Variants in KIF5C observed in about 807,000 individuals in gnomAD.
The protein encoded by KIF5C is kinesin family member 5C, also known as kinesin heavy chain isoform 5C.
A neutral mutation model predicts 125.2 loss-of-function variants in KIF5C; 18 were observed. That is an observed-to-expected ratio of 0.14 (90% CI 0.10 to 0.21). KIF5C has a LOEUF of 0.21. Ranked by LOEUF, KIF5C falls within the 10% of genes least tolerant of loss-of-function variation. The probability of loss-of-function intolerance (pLI) is 1.00; values close to 1 mark genes in which losing one functional copy is unlikely to be tolerated. For synonymous variants in KIF5C, 405 were observed against 434.0 expected (o/e 0.93, Z 0.83); for missense variants, 780 against 1,183.8 (o/e 0.66, Z 5.01).
At chr2:148,940,756 G>T (rs1424794658) in intron 4 of KIF5C, among the ~76,000 whole-genome samples, 1 of 152,192 alleles carries the variant, frequency 6.6e-6, no homozygotes, top group African/African-American at 2.4e-5. Flanking sequence ...GGGGATTTTT[G>T]ACATCGTAAA....
At chr2:148,894,422 G>C (rs1189143812) in intron 1 of KIF5C, among the ~76,000 whole-genome samples, 2 of 152,164 alleles carry the variant, frequency 1.3e-5, no homozygotes, top group Non-Finnish European at 2.9e-5. Flanking sequence ...TAAGGTCCAA[G>C]AAGTTCTAAA....
At chr2:148,948,697 C>G (rs114987381) in intron 8 of KIF5C, among the ~76,000 whole-genome samples, 6 of 152,268 alleles carry the variant, frequency 3.9e-5, no homozygotes, top group African/African-American at 1.4e-4. Context: ...TGGTGTTCTT[C>G]CCTTAGGCTG....
chr2:148,877,769 TCTC>T (rs1681234176), intron 1 of KIF5C: 1 of 149,834 alleles, frequency 6.7e-6, no homozygotes, highest in Admixed American at 6.7e-5. Flanking sequence ...CCCTCTCCCT[TCTC>T]CTCCTCTTCT....
chr2:149,013,732 G>A (rs1475207750), intron 25 of KIF5C, among the ~76,000 whole-genome samples: 1 of 152,136 alleles, frequency 6.6e-6, no homozygotes, highest in Non-Finnish European at 1.5e-5. Flanking sequence ...ATTGTGCAGT[G>A]GGACAGTCAC....
chr2:148,972,260 T>G (rs1240548711), intron 11 of KIF5C, among the ~76,000 whole-genome samples: 1 of 152,232 alleles, frequency 6.6e-6, no homozygotes. Context: ...ACTCTCTGAC[T>G]CAAGGCAGTT....
rs1352115135 is a variant in KIF5C at position 149,000,439 on chromosome 2, C to G, written c.2227C>G (p.Gln743Glu). 1 of 1,583,004 alleles carries G rather than the reference C, an allele frequency of 6.3e-7. No individual in the cohort carries two copies. Among genetic ancestry groups the G allele is most frequent in the Non-Finnish European group, 8.6e-7 (1 of 1,160,190 alleles). The change falls in exon 20 of 26, where the codon CAA becomes GAA. Residue 743 changes from glutamine to glutamate, a missense_variant. Physicochemically the swap from Gln to Glu is conservative, Grantham distance 29. Coordinates refer to ENST00000435030, the MANE Select transcript of KIF5C (RefSeq NM_004522.3). ...CAATTTCAGTTTGAATCAGAAACTG[C>G]AACTGGAACAGGAGAAGCTTAGTTC... ...DEIRDLNQKL[Q>E]LEQEKLSSDY...
chr2:148,882,425 C>T (rs553566390), intron 1 of KIF5C, among the ~76,000 whole-genome samples: 1 of 152,306 alleles, frequency 6.6e-6, no homozygotes, highest in Non-Finnish European at 1.5e-5. Flanking sequence ...AAGGTGCAGA[C>T]CCTTCAGAGG....
intron 3 of KIF5C, among the ~76,000 whole-genome samples, chr2:148,933,398 A>C (rs1682218598): frequency 6.6e-6 from 1 of 151,928 alleles, no homozygotes; most frequent in Non-Finnish European, 1.5e-5. Context: ...AAGACCTCTA[A>C]GGAGCACCTC....
At position 148,979,007 on chromosome 2, in the gene KIF5C, A is replaced by T. The variant is rs528884493; in HGVS notation, c.1362+17A>T. On this transcript the variant is annotated intron_variant, in intron 13 of 25. Coordinates refer to ENST00000435030, the MANE Select transcript of KIF5C (RefSeq NM_004522.3). ...CAGGATGAGGTAAAGAATGCAATAT[A>T]TTTTTTTTTCCACAAAGTTCTTCTA... 1.3e-3 allele frequency: 2,031 copies of T among 1,526,462 alleles called. 22 individuals are homozygous for T. The highest frequency in any genetic ancestry group is 1.7e-4 in the Non-Finnish European group (188 of 1,133,692). The allele number at this position is 1,526,462 out of a possible 1,614,324, so 94.6% of individuals were successfully genotyped here. A position where few individuals can be genotyped will look rare whatever the true frequency, so the allele number is the denominator to read the frequency against.
At chr2:149,006,281 A>C (rs1682004810) in intron 22 of KIF5C, among the ~76,000 whole-genome samples, 2 of 152,178 alleles carry the variant, frequency 1.3e-5, no homozygotes, top group South Asian at 4.1e-4. Flanking sequence ...ACAAAGATAG[A>C]GTCGGGTCTG....
chr2:149,013,973 A>G (rs1470683508), intron 25 of KIF5C, among the ~76,000 whole-genome samples: 3 of 152,196 alleles, frequency 2.0e-5, no homozygotes, highest in Admixed American at 6.5e-5. Flanking sequence ...CTCAATGTCC[A>G]GGTTTGTCAC....
chr2:148,894,610 G>A (rs1362710409), intron 1 of KIF5C, among the ~76,000 whole-genome samples: 5 of 151,834 alleles, frequency 3.3e-5, no homozygotes, highest in African/African-American at 9.7e-5. Flanking sequence ...ACCAGTGATT[G>A]AATTATTATT....
At chr2:148,936,882 C>G in intron 3 of KIF5C, among the ~76,000 whole-genome samples, 1 of 152,198 alleles carries the variant, frequency 6.6e-6, no homozygotes, top group East Asian at 1.9e-4. Flanking sequence ...GATTGCCTTA[C>G]TTGGAACTCC....
chr2:148,983,562 G>C (rs1681292105), intron 14 of KIF5C, 58 bp from the exon 15 acceptor site: 1 of 1,478,540 alleles, frequency 6.8e-7, no homozygotes, highest in South Asian at 1.5e-5. Flanking sequence ...TTTGTAATGT[G>C]GAGTGTATGA....
chr2:149,022,983 T>A (rs749481623), intron 25 of KIF5C, 95 bp from the exon 26 acceptor site: 17 of 152,150 alleles, frequency 1.1e-4, no homozygotes, highest in African/African-American at 2.9e-4. Flanking sequence ...ACAGCTCTGG[T>A]CTAAACATCT....
Position 148,981,503 on chromosome 2 carries a change from A to G in KIF5C, c.1511A>G (p.Glu504Gly). Residue 504 changes from glutamate (E) to glycine (G), a missense_variant, in exon 14 of 26, where the codon GAA becomes GGA. By Grantham distance (98) the Glu-to-Gly change is moderately conservative. Coordinates refer to ENST00000435030, the MANE Select transcript of KIF5C (RefSeq NM_004522.3). ...LAVNYDQKSQ[E>G]VEDKTRANEQ... ...GTCAATTATGACCAGAAATCACAGG[A>G]AGTGGAGGATAAGACCCGGGCCAAT... 3 of 1,607,512 alleles carry G rather than the reference A, an allele frequency of 1.9e-6. No individual in the cohort carries two copies. Among genetic ancestry groups the G allele is most frequent in the Non-Finnish European group, 2.5e-6 (3 of 1,176,972 alleles).
intron 16 of KIF5C, among the ~76,000 whole-genome samples, chr2:148,994,130 A>G (rs1240549696): frequency 6.6e-6 from 1 of 152,168 alleles, no homozygotes; most frequent in Admixed American, 6.5e-5. Flanking sequence ...TTTCTCTGAG[A>G]AGGGAAACCA....
At chr2:148,902,401 C>G (rs1680942230) in intron 1 of KIF5C, among the ~76,000 whole-genome samples, 1 of 152,154 alleles carries the variant, frequency 6.6e-6, no homozygotes, top group South Asian at 2.1e-4. Context: ...ACTGCAATCT[C>G]TGCCTCCCAG....
intron 1 of KIF5C, among the ~76,000 whole-genome samples, chr2:148,894,540 A>G (rs780794024): frequency 7.9e-5 from 12 of 152,174 alleles, no homozygotes; most frequent in Admixed American, 1.3e-4. Flanking sequence ...ATGAAAAGAA[A>G]TAAGAGACTT....
Sources: gnomAD v4.1 joint callset for allele counts (sites outside exome capture counted in the v4.1 genomes callset) on GRCh38, gnomAD v4.1.1 for gene constraint, MANE v1.5 for transcripts, NCBI Gene and HGNC (gene_info 2026-07-23, HGNC 2026-07-21) for gene names.